Variants in GAB1 observed in about 807,000 individuals in gnomAD.
GAB1 encodes GRB2-associated-binding protein 1.
In GAB1, 19 loss-of-function variants were observed where a neutral mutation model predicts 66.5. The ratio of observed to expected loss-of-function variants is 0.29; its 90% CI spans 0.20 to 0.42. GAB1 has a LOEUF of 0.42. Among genes scored for constraint, GAB1 ranks in the 10% least tolerant of loss-of-function variants. GAB1 has a pLI of 1.00. For missense variants in GAB1, 732 were observed against 858.5 expected (o/e 0.85, Z 1.84); for synonymous variants, 294 against 301.4 (o/e 0.98, Z 0.25).
chr4:143,437,189 C>T (rs1225954706), intron 3 of GAB1, among the ~76,000 whole-genome samples: 3 of 152,044 alleles, frequency 2.0e-5, no homozygotes, highest in Non-Finnish European at 4.4e-5. Context: ...GTTTAAATTC[C>T]TACAGGACTT....
At chr4:143,349,809 G>C in intron 1 of GAB1, 1 of 1,586,808 alleles carries the variant, frequency 6.3e-7, no homozygotes, top group Non-Finnish European at 8.5e-7. Context: ...GGCCGGCACG[G>C]GTCTGCTTCT....
chr4:143,418,530 CATTTT>C (rs1732824715), intron 2 of GAB1, among the ~76,000 whole-genome samples: 2 of 152,046 alleles, frequency 1.3e-5, no homozygotes, highest in Admixed American at 1.3e-4. Context: ...AATAATTTGT[CATTTT>C]ATTATCTTCT....
intron 1 of GAB1, among the ~76,000 whole-genome samples, chr4:143,414,998 C>T (rs1732603093): frequency 6.6e-6 from 1 of 152,152 alleles, no homozygotes; most frequent in Non-Finnish European, 1.5e-5. Flanking sequence ...CTCCGCAGGG[C>T]CTGACAAATA....
At chr4:143,363,238 C>T (rs986877156) in intron 1 of GAB1, among the ~76,000 whole-genome samples, 1 of 152,188 alleles carries the variant, frequency 6.6e-6, no homozygotes, top group Non-Finnish European at 1.5e-5. Context: ...CATTGTTTCT[C>T]TTAATAATCC....
At chr4:143,402,959 C>T (rs1731851953) in intron 1 of GAB1, among the ~76,000 whole-genome samples, 2 of 152,294 alleles carry the variant, frequency 1.3e-5, no homozygotes, top group South Asian at 4.1e-4. Context: ...CAGACACAGT[C>T]GGTTGTTGTC....
chr4:143,398,992 A>G (rs1448090833), intron 1 of GAB1, among the ~76,000 whole-genome samples: 4 of 152,182 alleles, frequency 2.6e-5, no homozygotes, highest in Non-Finnish European at 4.4e-5. Flanking sequence ...CCCCATCTAG[A>G]TGAGTGTGCT....
intron 1 of GAB1, among the ~76,000 whole-genome samples, chr4:143,368,186 A>C (rs1228440696): frequency 6.6e-6 from 1 of 152,090 alleles, no homozygotes; most frequent in Non-Finnish European, 1.5e-5. Context: ...GAGGAAAAAA[A>C]AAAAACAAGC....
intron 7 of GAB1, 69 bp downstream of exon 7, chr4:143,459,547 G>A: frequency 1.1e-6 from 1 of 934,790 alleles, no homozygotes; most frequent in Non-Finnish European, 1.8e-6. Context: ...TCATTATCAT[G>A]GAAAATATCT....
intron 1 of GAB1, 54 bp downstream of exon 1, chr4:143,337,314 C>A (rs1203621305): frequency 2.5e-5 from 37 of 1,472,952 alleles, no homozygotes; most frequent in Non-Finnish European, 3.3e-5. Flanking sequence ...CACCCCTCCC[C>A]AGTCGGCTCG....
At chr4:143,406,860 C>T (rs968229312) in intron 1 of GAB1, among the ~76,000 whole-genome samples, 4 of 152,164 alleles carry the variant, frequency 2.6e-5, no homozygotes, top group Non-Finnish European at 5.9e-5. Flanking sequence ...GTGGGCACAG[C>T]CCCAACAATT....
chr4:143,361,429 A>G (rs1359940070), intron 1 of GAB1, among the ~76,000 whole-genome samples: 2 of 152,176 alleles, frequency 1.3e-5, no homozygotes, highest in Admixed American at 1.3e-4. Context: ...CTTTGACCAA[A>G]GGCAATGAAA....
Position 143,433,592 on chromosome 4 carries a change from A to C in GAB1, c.469A>C (p.Thr157Pro), listed in dbSNP as rs146253580. 1.5e-5 allele frequency: 25 copies of C among 1,613,660 alleles called. No homozygotes were observed. The South Asian group carries it at 2.7e-4, about 18-fold the overall frequency. ...PSTQADSSSATLPPPYQLINV... is the reference protein window; with the variant it reads ...PSTQADSSSAPLPPPYQLINV... ...CACCCAGGCAGATTCATCCTCTGCT[A>C]CTCTACCTCCTCCATATCAGCTAAT... The change falls in exon 3 of 10, where the codon ACT becomes CCT. Residue 157 changes from threonine to proline, a missense_variant. By Grantham distance (38) the Thr-to-Pro change is conservative (BLOSUM62 -1). Transcript: ENST00000262994.
intron 1 of GAB1, among the ~76,000 whole-genome samples, chr4:143,368,806 C>A (rs1364774262): frequency 6.6e-6 from 1 of 151,978 alleles, no homozygotes; most frequent in African/African-American, 2.4e-5. Context: ...AATACGAACT[C>A]TTTTTTTTCT....
intron 1 of GAB1, among the ~76,000 whole-genome samples, chr4:143,390,304 A>T (rs1048921429): frequency 1.3e-5 from 2 of 152,150 alleles, no homozygotes; most frequent in African/African-American, 4.8e-5. Context: ...TATAATTTAT[A>T]TCCCTTAATT....
chr4:143,462,375 A>G (rs1735541093), intron 8 of GAB1, among the ~76,000 whole-genome samples: 1 of 152,134 alleles, frequency 6.6e-6, no homozygotes, highest in Admixed American at 6.6e-5. Context: ...TTCTTATCGT[A>G]AAGTAATTAG....
intron 1 of GAB1, among the ~76,000 whole-genome samples, chr4:143,337,854 G>T (rs1728712070): frequency 6.6e-6 from 1 of 152,184 alleles, no homozygotes; most frequent in African/African-American, 2.4e-5. Flanking sequence ...GCTTAGCAGG[G>T]TTCACATTTT....
At chr4:143,440,014 T>TA in intron 5 of GAB1, 65 bp from the exon 6 acceptor site, 1 of 1,483,498 alleles carries the variant, frequency 6.7e-7, no homozygotes, top group Non-Finnish European at 9.3e-7. Flanking sequence ...GAGTGTGACT[T>TA]ACAATTGTGT....
At chr4:143,433,947 A>T in intron 3 of GAB1, 1 of 622,082 alleles carries the variant, frequency 1.6e-6, no homozygotes. Context: ...GGCAAAGAGC[A>T]GTTTTCCCTA....
intron 2 of GAB1, among the ~76,000 whole-genome samples, chr4:143,418,184 A>G (rs1300193355): frequency 6.6e-6 from 1 of 152,244 alleles, no homozygotes; most frequent in African/African-American, 2.4e-5. Flanking sequence ...GAGGGGGCTG[A>G]TGAAATAGAG....
Sources: allele counts gnomAD v4.1 joint callset (sites outside exome capture counted in the v4.1 genomes callset), GRCh38; gene constraint gnomAD v4.1.1; transcripts MANE v1.5; gene names NCBI Gene and HGNC (gene_info 2026-07-23, HGNC 2026-07-21).